UGT1A9: variants seen among roughly 807,000 people sequenced by gnomAD.
UGT1A9 encodes UDP-glucuronosyltransferase 1A9.
In UGT1A9, 35 loss-of-function variants were observed where a neutral mutation model predicts 45.0. That is an observed-to-expected ratio of 0.78 (90% CI 0.59 to 1.03). The LOEUF (loss-of-function observed/expected upper bound fraction) is 1.03. Ranked by LOEUF, UGT1A9 falls within the 50% of genes least tolerant of loss-of-function variation. The pLI, the probability that UGT1A9 is intolerant of heterozygous loss-of-function variation, is 0.00. For synonymous variants in UGT1A9, 278 were observed against 250.6 expected, an observed-to-expected ratio of 1.11 and a Z score of -1.03; for missense variants, 687 against 666.6, an observed-to-expected ratio of 1.03 and a Z score of -0.34.
At position 233,721,862 on chromosome 2, in the gene UGT1A9, T is replaced by C. The variant is rs1254741944; in HGVS notation, c.856-45172T>C. Reference sequence around the variant, plus strand: ...TGTGTCCAGCCCCACTGCTCGGCCCTGGGCACACTTGCCAGCCCCTCCATT... The same window carrying C: ...TGTGTCCAGCCCCACTGCTCGGCCCCGGGCACACTTGCCAGCCCCTCCATT... On this transcript the variant is annotated intron_variant, in intron 1 of 4. Coordinates refer to ENST00000354728, the MANE Select transcript of UGT1A9 (RefSeq NM_021027.3). 6 of 506,358 alleles carry C rather than the reference T, an allele frequency of 1.2e-5. No individual in the cohort carries two copies. The Admixed American group carries it at 1.2e-4, about 10-fold the overall frequency. The allele number at this position is 506,358 out of a possible 1,614,324, so 31.4% of individuals were successfully genotyped here.
intron 1 of UGT1A9, among the ~76,000 whole-genome samples, chr2:233,717,231 A>C (rs2076558649): frequency 6.6e-6 from 1 of 152,160 alleles, no homozygotes; most frequent in African/African-American, 2.4e-5. Flanking sequence ...GAGGGTTCTT[A>C]AGATGCAGAC....
intron 1 of UGT1A9, among the ~76,000 whole-genome samples, chr2:233,748,465 C>G (rs987593580): frequency 6.6e-6 from 1 of 151,790 alleles, no homozygotes; most frequent in African/African-American, 2.4e-5. Context: ...AAAGATGATG[C>G]AACAGCAAAT....
Position 233,693,150 on chromosome 2 carries a change from T to G in UGT1A9, c.855+20361T>G, listed in dbSNP as rs768130153. ...AGTATGAAGGATATAGTTGAGGTTC[T>G]CAGTGACCGGGGTCATGAGATTGTA... On this transcript the variant is annotated intron_variant, in intron 1 of 4. Coordinates refer to ENST00000354728, the MANE Select transcript of UGT1A9 (RefSeq NM_021027.3). 12 of 1,614,140 alleles carry G rather than the reference T, an allele frequency of 7.4e-6. No individual in the cohort carries two copies. The Admixed American group carries it at 2.0e-4, about 27-fold the overall frequency.
At chr2:233,682,507 C>G in intron 1 of UGT1A9, 1 of 1,613,928 alleles carries the variant, frequency 6.2e-7, no homozygotes, top group Non-Finnish European at 8.5e-7. Context: ...TTTCCTATGT[C>G]CCCAGACTTC....
rs1002447306 is a variant in UGT1A9, at chr2:233,707,136, C to T, written c.855+34347C>T. On this transcript the variant is annotated intron_variant, in intron 1 of 4. Transcript: ENST00000354728. ...ATACTCTGCATTAGGCTTTCTATCCCGGAGGTCACTGCAGTTTATCAGCAC... is the reference window on the plus strand; with the variant it reads ...ATACTCTGCATTAGGCTTTCTATCCTGGAGGTCACTGCAGTTTATCAGCAC... Among the ~76,000 whole-genome samples the T allele has an allele frequency of 3.3e-5, 5 of 152,108 alleles. No homozygotes were observed. The South Asian group carries it at 6.2e-4, about 19-fold the overall frequency.
At position 233,772,297 on chromosome 2, in the gene UGT1A9, A is replaced by G; in HGVS notation, c.1331A>G (p.His444Arg). ...AACATCATGCGCCTCTCCAGCCTTC[A>G]CAAGGACCGCCCGGTGGAGCCGCTG... is the stretch of plus-strand genomic sequence containing the variant. ...KENIMRLSSL[H>R]KDRPVEPLDL... Residue 444 changes from histidine to arginine, a missense_variant, in exon 5 of 5, where the codon CAC becomes CGC. Coordinates refer to ENST00000354728, the MANE Select transcript of UGT1A9 (RefSeq NM_021027.3). The G allele has an allele frequency of 1.2e-6, 2 of 1,614,224 alleles. No homozygotes were observed. The highest frequency in any genetic ancestry group is 1.7e-6 in the Non-Finnish European group (2 of 1,180,032).
intron 1 of UGT1A9, among the ~76,000 whole-genome samples, chr2:233,705,479 T>C (rs961501470): frequency 1.1e-4 from 17 of 152,182 alleles, no homozygotes; most frequent in African/African-American, 3.9e-4. Flanking sequence ...ATGAGGCAAA[T>C]TTAATGATAA....
intron 1 of UGT1A9, among the ~76,000 whole-genome samples, chr2:233,717,104 T>G (rs535870475): frequency 2.6e-5 from 4 of 152,074 alleles, no homozygotes; most frequent in Non-Finnish European, 5.9e-5. Context: ...ACTATCTAAA[T>G]AAAACACCAC....
intron 1 of UGT1A9, among the ~76,000 whole-genome samples, chr2:233,704,322 T>C (rs1003349124): frequency 1.3e-5 from 2 of 152,026 alleles, no homozygotes; most frequent in African/African-American, 4.8e-5. Context: ...TTAATGTTTT[T>C]CTTTCCACTA....
At chr2:233,699,864 G>C (rs2075528124) in intron 1 of UGT1A9, among the ~76,000 whole-genome samples, 1 of 152,162 alleles carries the variant, frequency 6.6e-6, no homozygotes, top group African/African-American at 2.4e-5. Flanking sequence ...TATGTCTGAA[G>C]ACATTTTTGG....
intron 1 of UGT1A9, chr2:233,722,202 A>C (rs1295907588): frequency 1.9e-5 from 3 of 154,218 alleles, no homozygotes; most frequent in Admixed American, 6.5e-5. Context: ...TACTGAGTGC[A>C]TGAAAGATCA....
chr2:233,715,569 T>C (rs1403314383), intron 1 of UGT1A9, among the ~76,000 whole-genome samples: 3 of 152,040 alleles, frequency 2.0e-5, no homozygotes, highest in Non-Finnish European at 4.4e-5. Context: ...CCCAGGAGTC[T>C]GAGAGCAGCC....
chr2:233,712,879 A>C (rs969430104), intron 1 of UGT1A9: 3 of 1,597,048 alleles, frequency 1.9e-6, no homozygotes, highest in Non-Finnish European at 2.6e-6. Flanking sequence ...CTCTGTCTTC[A>C]ATTACATGTT....
intron 1 of UGT1A9, among the ~76,000 whole-genome samples, chr2:233,724,349 A>T (rs1243720800): frequency 1.6e-5 from 2 of 126,414 alleles, no homozygotes; most frequent in Admixed American, 7.8e-5. Flanking sequence ...GACCCCCCCC[A>T]CCTCCCTCCC....
intron 1 of UGT1A9, among the ~76,000 whole-genome samples, chr2:233,764,630 G>T (rs2126011376): frequency 6.6e-6 from 1 of 152,148 alleles, no homozygotes; most frequent in Middle Eastern, 3.4e-3. Context: ...GAAGAGCAAA[G>T]GTCCTAGGAA....
chr2:233,695,400 A>G (rs2075285150), intron 1 of UGT1A9, among the ~76,000 whole-genome samples: 1 of 149,876 alleles, frequency 6.7e-6, no homozygotes, highest in African/African-American at 2.5e-5. Context: ...CTGGGATTAC[A>G]GGCGTGAGCT....
chr2:233,691,348 C>T (rs1559344873), intron 1 of UGT1A9: 1 of 985,528 alleles, frequency 1.0e-6, no homozygotes, highest in Non-Finnish European at 1.2e-6. Context: ...TCTTCGCATG[C>T]CTTGAACAAT....
intron 1 of UGT1A9, among the ~76,000 whole-genome samples, chr2:233,748,687 A>G (rs1421247794): frequency 6.6e-6 from 1 of 151,492 alleles, no homozygotes; most frequent in Non-Finnish European, 1.5e-5. Flanking sequence ...CTGACAAAAG[A>G]TTTTTCTGGT....
Position 233,693,926 on chromosome 2 carries a change from C to T in UGT1A9, c.855+21137C>T, listed in dbSNP as rs2075188993. On this transcript the variant is annotated intron_variant, in intron 1 of 4. Transcript: ENST00000354728. ...CTTCCAGGCTCTGTCCTCCCTCACTCATTTGGCTCCTTGAGCCGACTGTCC... is the reference window on the plus strand; with the variant it reads ...CTTCCAGGCTCTGTCCTCCCTCACTTATTTGGCTCCTTGAGCCGACTGTCC... 3 of 1,609,026 alleles carry T rather than the reference C, an allele frequency of 1.9e-6. No individual in the cohort carries two copies. The Admixed American group carries it at 5.0e-5, about 27-fold the overall frequency.
Sources: allele counts gnomAD v4.1 joint callset (sites outside exome capture counted in the v4.1 genomes callset), GRCh38; gene constraint gnomAD v4.1.1; transcripts MANE v1.5; gene names NCBI Gene and HGNC (gene_info 2026-07-23, HGNC 2026-07-21).